The following TMPRSS12 variants were observed in gnomAD, a reference collection of about 807,000 sequenced individuals.
The protein encoded by TMPRSS12 is transmembrane serine protease 12, also known as transmembrane protease serine 12.
Under a neutral mutation model 26.0 loss-of-function variants are expected in TMPRSS12, and 25 were observed. The ratio of observed to expected loss-of-function variants is 0.96; its 90% CI spans 0.70 to 1.34. The LOEUF is 1.34. Ranked by LOEUF, TMPRSS12 falls within the 40% of genes most tolerant of loss-of-function variation. The probability of loss-of-function intolerance (pLI) is 0.00; values close to 1 mark genes in which losing one functional copy is unlikely to be tolerated. For missense variants in TMPRSS12, 441 were observed against 440.1 expected (o/e 1.00, Z -0.02); for synonymous variants, 150 against 161.7 (o/e 0.93, Z 0.55).
chr12:50,843,867 T>A lies in TMPRSS12; in HGVS notation c.213T>A (p.Asp71Glu). 1 of 1,559,106 alleles carries A rather than the reference T, an allele frequency of 6.4e-7. No individual in the cohort carries two copies. The highest frequency in any genetic ancestry group is 1.9e-4 in the Middle Eastern group (1 of 5,366). Residue 71 changes from aspartate to glutamate, a missense_variant, in exon 2 of 5, where the codon GAT (aspartate) becomes GAA (glutamate). Asp to Glu is a conservative substitution (Grantham distance 45). Coordinates refer to ENST00000398458, the MANE Select transcript of TMPRSS12 (RefSeq NM_182559.3). ...ATTGTGGAACAGCACCGCTTAAGGA[T>A]GTGTTGCAAGGGTCTCGGATTATAG... ...AEDCGTAPLK[D>E]VLQGSRIIGG...
At chr12:50,848,612 C>G (rs1307013514) in intron 2 of TMPRSS12, among the ~76,000 whole-genome samples, 1 of 152,208 alleles carries the variant, frequency 6.6e-6, no homozygotes, top group East Asian at 1.9e-4. Context: ...AGTTTCAGCT[C>G]CTATTGCCAA....
In TMPRSS12 at chr12:50,843,145, G is replaced by A. The variant is rs762208826; in HGVS notation, c.181G>A (p.Ala61Thr). Residue 61 changes from alanine to threonine, a missense_variant, in exon 1 of 5, where the codon GCA becomes ACA. Physicochemically the swap from Ala to Thr is moderately conservative, Grantham distance 58. Transcript: ENST00000398458. ...LRRRREGGAH[A>T]EDCGTAPLKD... Reference sequence around the variant, plus strand: ...GCGGCGGAGGGAGGGAGGGGCGCATGCAGAGGGCAGTACCTGTTCGTGCCT... The same window carrying A: ...GCGGCGGAGGGAGGGAGGGGCGCATACAGAGGGCAGTACCTGTTCGTGCCT... The A allele has an allele frequency of 3.8e-6, 6 of 1,563,622 alleles. No homozygotes were observed. The highest frequency in any genetic ancestry group is 4.3e-6 in the Non-Finnish European group (5 of 1,153,342).
chr12:50,847,352 C>G (rs926767933), intron 2 of TMPRSS12, among the ~76,000 whole-genome samples: 1 of 152,194 alleles, frequency 6.6e-6, no homozygotes, highest in South Asian at 2.1e-4. Context: ...CCACTGTGCC[C>G]GGCCCCTAAA....
chr12:50,868,489 A>G (rs1473161795), intron 3 of TMPRSS12, among the ~76,000 whole-genome samples: 2 of 152,216 alleles, frequency 1.3e-5, no homozygotes, highest in Non-Finnish European at 2.9e-5. Flanking sequence ...GAGTTCCCAC[A>G]TTTATAAAAC....
At chr12:50,884,167 A>G (rs984204243) in intron 3 of TMPRSS12, among the ~76,000 whole-genome samples, 1 of 152,228 alleles carries the variant, frequency 6.6e-6, no homozygotes, top group Non-Finnish European at 1.5e-5. Context: ...ATTAAGGTTA[A>G]TGACCTCTAA....
chr12:50,882,180 T>C (rs1202404013), intron 3 of TMPRSS12, among the ~76,000 whole-genome samples: 1 of 146,292 alleles, frequency 6.8e-6, no homozygotes, highest in Non-Finnish European at 1.5e-5. Context: ...CCAAGCACAG[T>C]TGTTCACACC....
In TMPRSS12 at chr12:50,887,669, T is replaced by C. The variant is rs1197060558; in HGVS notation, c.*156T>C. 4.4e-6 allele frequency: 4 copies of C among 907,306 alleles called. No homozygotes were observed. Among genetic ancestry groups the C allele is most frequent in the Admixed American group, 6.5e-5 (2 of 30,890 alleles). 56.2% of individuals were successfully genotyped at this position (907,306 alleles called of 1,614,324 possible). On this transcript the variant is annotated 3_prime_UTR_variant, in exon 5 of 5. Transcript: ENST00000398458. ...TATAAGTATTGTGACAGATATACAA[T>C]TGTAATTTTGGCACTGAATCACATG...
Position 50,887,600 on chromosome 12 carries a change from A to C in TMPRSS12, c.*87A>C. The C allele has an allele frequency of 6.8e-7, 1 of 1,475,074 alleles. No homozygotes were observed. The highest frequency in any genetic ancestry group is 1.4e-5 in the South Asian group (1 of 72,788). 91.4% of individuals were successfully genotyped at this position (1,475,074 alleles called of 1,614,324 possible). On this transcript the variant is annotated 3_prime_UTR_variant, in exon 5 of 5. Coordinates refer to ENST00000398458, the MANE Select transcript of TMPRSS12 (RefSeq NM_182559.3). The stretch of plus-strand genomic sequence containing the variant: ...ATGAACATCATTTATTCTTCTAGCA[A>C]TTAATTGCCTACATTAGAGATTTCA...
At chr12:50,852,537 A>G (rs1937835669) in intron 2 of TMPRSS12, among the ~76,000 whole-genome samples, 2 of 152,264 alleles carry the variant, frequency 1.3e-5, no homozygotes, top group South Asian at 4.1e-4. Context: ...CAGCCTCCCC[A>G]GTAGCTGGGA....
rs1938159322 is a variant in TMPRSS12, at chr12:50,881,003, A to G, written c.653-4243A>G. Among the ~76,000 whole-genome samples, 3 of 44,558 alleles carry G rather than the reference A, an allele frequency of 6.7e-5. No individual in the cohort carries two copies. In the South Asian group the frequency reaches 2.5e-3, roughly 37 times the overall value. 29.2% of individuals were successfully genotyped at this position (44,558 alleles called of 152,430 possible). A position where few individuals can be genotyped will look rare whatever the true frequency, so the allele number is the denominator to read the frequency against. On this transcript the variant is annotated intron_variant, in intron 3 of 4. Transcript: ENST00000398458. ...TTTTTTTTTTTTTTTTTTTTTTGAGACAGAGTTTTGCTCTTGTTGCCCAGG... is the reference window on the plus strand; with the variant it reads ...TTTTTTTTTTTTTTTTTTTTTTGAGGCAGAGTTTTGCTCTTGTTGCCCAGG...
At chr12:50,871,240 A>G (rs1377582257) in intron 3 of TMPRSS12, among the ~76,000 whole-genome samples, 1 of 152,208 alleles carries the variant, frequency 6.6e-6, no homozygotes, top group Non-Finnish European at 1.5e-5. Flanking sequence ...TACTGGTATA[A>G]AAATAGGCAC....
At position 50,858,924 on chromosome 12, in the gene TMPRSS12, T is replaced by C; in HGVS notation, c.523T>C (p.Phe175Leu). Residue 175 changes from phenylalanine to leucine, a missense_variant, in exon 3 of 5, where the codon TTT (phenylalanine) becomes CTT (leucine). Phe to Leu is a conservative substitution (Grantham distance 22). Transcript: ENST00000398458. ...ATCTTATGTAAATGATATTGCACTTTTTCACTTAAAAAAAGCAGTGAGGTA... is the reference window on the plus strand; with the variant it reads ...ATCTTATGTAAATGATATTGCACTTCTTCACTTAAAAAAAGCAGTGAGGTA... ...LESYVNDIAL[F>L]HLKKAVRYND... The C allele has an allele frequency of 1.9e-6, 3 of 1,587,666 alleles. No individual in the cohort carries two copies. The highest frequency in any genetic ancestry group is 2.6e-6 in the Non-Finnish European group (3 of 1,165,548).
rs909818859 is a variant in TMPRSS12 at position 50,878,425 on chromosome 12, A to G, written c.653-6821A>G. The stretch of plus-strand genomic sequence containing the variant: ...GGTGAGCCCCTATCTCTGCAAAAAT[A>G]AAAAAAAACAGGTGTGGTGGTACGC... On this transcript the variant is annotated intron_variant, in intron 3 of 4. Transcript: ENST00000398458. Among the ~76,000 whole-genome samples, 7 of 70,794 alleles carry G rather than the reference A, an allele frequency of 9.9e-5. 1 individual carries two copies. Among genetic ancestry groups the G allele is most frequent in the Admixed American group, 8.3e-4 (7 of 8,436 alleles). The allele number at this position is 70,794 out of a possible 152,430, so 46.4% of individuals were successfully genotyped here. A position where few individuals can be genotyped will look rare whatever the true frequency, so the allele number is the denominator to read the frequency against.
chr12:50,847,204 G>A (rs773712444), intron 2 of TMPRSS12, among the ~76,000 whole-genome samples: 7 of 151,888 alleles, frequency 4.6e-5, no homozygotes, highest in East Asian at 2.0e-4. Context: ...GACTACAGGC[G>A]CCCCCCACCA....
intron 3 of TMPRSS12, among the ~76,000 whole-genome samples, chr12:50,883,272 G>A (rs1938192912): frequency 6.6e-6 from 1 of 152,064 alleles, no homozygotes; most frequent in South Asian, 2.1e-4. Flanking sequence ...TTGAGGCTGT[G>A]GCAACCTATG....
intron 3 of TMPRSS12, among the ~76,000 whole-genome samples, chr12:50,864,295 A>G (rs953677337): frequency 1.3e-5 from 2 of 152,234 alleles, no homozygotes; most frequent in South Asian, 4.1e-4. Context: ...TAAGGCTTCA[A>G]AGAATATAAC....
chr12:50,860,274 C>T (rs1156956062), intron 3 of TMPRSS12, among the ~76,000 whole-genome samples: 1 of 152,070 alleles, frequency 6.6e-6, no homozygotes, highest in Non-Finnish European at 1.5e-5. Flanking sequence ...TTTTAGTGTA[C>T]TTAGGGGCAG....
chr12:50,883,427 C>G (rs1427164165), intron 3 of TMPRSS12, among the ~76,000 whole-genome samples: 1 of 152,198 alleles, frequency 6.6e-6, no homozygotes, highest in Non-Finnish European at 1.5e-5. Context: ...GTGGTTCACA[C>G]CTGTAATTCG....
chr12:50,884,519 A>C (rs1938204275), intron 3 of TMPRSS12, among the ~76,000 whole-genome samples: 1 of 152,180 alleles, frequency 6.6e-6, no homozygotes, highest in South Asian at 2.1e-4. Context: ...AGACAATAAC[A>C]AGCATTGATG....
Sources: allele counts gnomAD v4.1 joint callset (sites outside exome capture counted in the v4.1 genomes callset), GRCh38; gene constraint gnomAD v4.1.1; transcripts MANE v1.5; gene names NCBI Gene and HGNC (gene_info 2026-07-23, HGNC 2026-07-21).